Variants in AGR3 observed in about 807,000 individuals in gnomAD.
AGR3 encodes the protein anterior gradient protein 3.
In AGR3, 37 loss-of-function variants were observed where a neutral mutation model predicts 24.5. That is an observed-to-expected ratio of 1.51 (90% CI 1.16 to 1.99). The LOEUF (loss-of-function observed/expected upper bound fraction) is 1.99, where lower values mean the gene tolerates loss of function less well. Ranked by LOEUF, AGR3 falls within the 30% of genes most tolerant of loss-of-function variation. AGR3 has a pLI of 0.00. For missense variants in AGR3, 228 were observed against 191.1 expected (o/e 1.19, Z -1.14); for synonymous variants, 75 against 61.6 (o/e 1.22, Z -1.02).
chr7:16,873,652 TTACACTGATTTGATCAC>T, intron 3 of AGR3, 111 bp downstream of exon 3: 1 of 703,628 alleles, frequency 1.4e-6, no homozygotes. Flanking sequence ...CATATGCTAA[TTACACTGATTTGATCAC>T]TACACATTGT....
chr7:16,859,074 C>T (rs185198224), downstream of AGR3, among the ~76,000 whole-genome samples: 3 of 151,826 alleles, frequency 2.0e-5, no homozygotes, highest in Non-Finnish European at 4.4e-5. Context: ...AGGTATGGTA[C>T]AGGGGAGGAG....
chr7:16,878,506 G>C lies in AGR3; in HGVS notation c.109+4C>G. ...GTTTAGAAAATAAAATGAGATTACAGCACCTCTTGAGAGTGTCTGAGGAGG... is the reference window on the plus strand; with the variant it reads ...GTTTAGAAAATAAAATGAGATTACACCACCTCTTGAGAGTGTCTGAGGAGG... On this transcript the variant is annotated splice_donor_region_variant and intron_variant, in intron 2 of 7. Transcript: ENST00000310398. The C allele has an allele frequency of 6.2e-7, 1 of 1,608,660 alleles. No homozygotes were observed. Among genetic ancestry groups the C allele is most frequent in the African/African-American group, 1.3e-5 (1 of 74,892 alleles).
intron 2 of AGR3, among the ~76,000 whole-genome samples, chr7:16,876,729 TCTTA>T (rs1417488565): frequency 6.6e-6 from 1 of 152,220 alleles, no homozygotes; most frequent in Non-Finnish European, 1.5e-5. Context: ...TAAATTAGTT[TCTTA>T]TCAATTGAAA....
At chr7:16,864,352 A>G (rs2115302182) in intron 3 of AGR3, 2 of 1,341,578 alleles carry the variant, frequency 1.5e-6, no homozygotes, top group Non-Finnish European at 2.1e-6. Flanking sequence ...GCTGGCAGGC[A>G]GTTCACTGGC....
intron 3 of AGR3, among the ~76,000 whole-genome samples, chr7:16,869,676 T>TTG (rs1490923716): frequency 6.5e-4 from 92 of 140,678 alleles, no homozygotes; most frequent in South Asian, 1.4e-3. Context: ...TGAGTTTGTT[T>TTG]TTTTTTTTTT....
intron 3 of AGR3, among the ~76,000 whole-genome samples, chr7:16,862,905 A>G (rs1314238021): frequency 6.6e-6 from 1 of 152,154 alleles, no homozygotes; most frequent in African/African-American, 2.4e-5. Flanking sequence ...CAAATCAGGA[A>G]AGCCTCCATT....
intron 2 of AGR3, among the ~76,000 whole-genome samples, chr7:16,875,666 T>TCTGTA (rs1781973719): frequency 6.6e-6 from 1 of 152,190 alleles, no homozygotes; most frequent in African/African-American, 2.4e-5. Context: ...TGTATTTAGC[T>TCTGTA]TTTTGAGGAG....
chr7:16,864,644 A>G (rs1781716105), intron 3 of AGR3: 11 of 1,578,712 alleles, frequency 7.0e-6, no homozygotes, highest in Non-Finnish European at 8.7e-6. Context: ...GTTTGGAGGC[A>G]TAAAGCTGGT....
Position 16,860,606 on chromosome 7 carries a change from A to C in AGR3, c.368-23T>G, listed in dbSNP as rs772290338. 6 of 1,534,288 alleles carry C rather than the reference A, an allele frequency of 3.9e-6. No homozygotes were observed. In the South Asian group the frequency reaches 4.6e-5, roughly 12 times the overall value. On this transcript the variant is annotated intron_variant, in intron 6 of 7. Transcript: ENST00000310398. ...GGTCTGTCAAGGAAAAAACCAAGTCACGAAAGTATAATTTAGCATGTTCTT... is the reference window on the plus strand; with the variant it reads ...GGTCTGTCAAGGAAAAAACCAAGTCCCGAAAGTATAATTTAGCATGTTCTT...
At chr7:16,864,613 G>A in intron 3 of AGR3, 1 of 1,530,616 alleles carries the variant, frequency 6.5e-7, no homozygotes, top group Non-Finnish European at 9.0e-7. Context: ...GGTTATTAGA[G>A]CAAGGTATGG....
At chr7:16,879,278 A>C (rs1364603410) in intron 1 of AGR3, among the ~76,000 whole-genome samples, 1 of 152,218 alleles carries the variant, frequency 6.6e-6, no homozygotes, top group Admixed American at 6.5e-5. Flanking sequence ...ATATTACTAT[A>C]AATTAGACAT....
intron 7 of AGR3, among the ~76,000 whole-genome samples, chr7:16,859,881 T>A (rs1054240377): frequency 2.6e-5 from 4 of 152,168 alleles, no homozygotes; most frequent in African/African-American, 9.7e-5. Flanking sequence ...TCTTTTTTTT[T>A]AATGCATCAC....
Position 16,878,410 on chromosome 7 carries a change from G to C in AGR3, c.109+100C>G, listed in dbSNP as rs184944432. The C allele has an allele frequency of 2.9e-3, 2,867 of 1,001,920 alleles. 21 individuals carry two copies. Among genetic ancestry groups the C allele is most frequent in the Admixed American group, 4.1e-3 (165 of 40,198 alleles). 62.1% of individuals were successfully genotyped at this position (1,001,920 alleles called of 1,614,324 possible). A position where few individuals can be genotyped will look rare whatever the true frequency, so the allele number is the denominator to read the frequency against. On this transcript the variant is annotated intron_variant, in intron 2 of 7. Transcript: ENST00000310398. ...ACACACAACAAAAATCATTCAGTTA[G>C]TTGAATTTGCTTTATAATTAGACTA...
At chr7:16,860,810 C>G (rs1481077517) in intron 6 of AGR3, among the ~76,000 whole-genome samples, 1 of 152,106 alleles carries the variant, frequency 6.6e-6, no homozygotes, top group Non-Finnish European at 1.5e-5. Flanking sequence ...CCCTCCTTCC[C>G]CCGTTTTGGA....
rs148378416 is a variant in AGR3 at position 16,880,174 on chromosome 7, CTTTTTTT to C, written c.-27-1536_-27-1530del. Among the ~76,000 whole-genome samples the C allele has an allele frequency of 8.2e-4, 96 of 116,448 alleles. No individual in the cohort carries two copies. In the East Asian group the frequency reaches 0.021, roughly 26 times the overall value. The allele number at this position is 116,448 out of a possible 152,430, so 76.4% of individuals were successfully genotyped here. On this transcript the variant is annotated intron_variant, in intron 1 of 7. Transcript: ENST00000310398. The stretch of plus-strand genomic sequence containing the variant: ...TCTTTTCTTTCTCTCTCCTTTCTTT[CTTTTTTT>C]TTTTTTTTTGCTCTTGTCACCCAGG...
At chr7:16,865,096 A>G (rs769598963) in intron 3 of AGR3, 7 of 751,666 alleles carry the variant, frequency 9.3e-6, no homozygotes, top group Admixed American at 2.0e-5. Flanking sequence ...CTTTTACTGT[A>G]TAAAATTTTC....
intron 2 of AGR3, among the ~76,000 whole-genome samples, chr7:16,877,269 G>A (rs992361548): frequency 2.3e-4 from 33 of 142,812 alleles, no homozygotes; most frequent in African/African-American, 8.1e-4. Flanking sequence ...TAACACAAAT[G>A]TATACTATGA....
Position 16,878,506 on chromosome 7 carries a change from G to A in AGR3, c.109+4C>T, listed in dbSNP as rs747662888. On this transcript the variant is annotated splice_donor_region_variant and intron_variant, in intron 2 of 7. Transcript: ENST00000310398. ...GTTTAGAAAATAAAATGAGATTACA[G>A]CACCTCTTGAGAGTGTCTGAGGAGG... 4 of 1,608,660 alleles carry A rather than the reference G, an allele frequency of 2.5e-6. No homozygotes were observed. The highest frequency in any genetic ancestry group is 1.1e-5 in the South Asian group (1 of 90,960).
At chr7:16,863,423 T>C (rs62444695) in intron 3 of AGR3, among the ~76,000 whole-genome samples, 15,854 of 152,138 alleles carry the variant, frequency 0.1, 1,044 homozygotes, top group East Asian at 0.32. Context: ...GGGAGTTCCC[T>C]ATTTCATACA....
Sources: allele counts gnomAD v4.1 joint callset (sites outside exome capture counted in the v4.1 genomes callset), GRCh38; gene constraint gnomAD v4.1.1; transcripts MANE v1.5; gene names NCBI Gene and HGNC (gene_info 2026-07-23, HGNC 2026-07-21).